Variants in TOP1MT observed in about 807,000 individuals in gnomAD.
TOP1MT encodes the protein DNA topoisomerase I, mitochondrial.
A neutral mutation model predicts 73.9 loss-of-function variants in TOP1MT; 80 were observed. That is an observed-to-expected ratio of 1.08 (90% confidence interval 0.90 to 1.30). The LOEUF (loss-of-function observed/expected upper bound fraction) is 1.30, where lower values mean the gene tolerates loss of function less well. Among genes scored for constraint, TOP1MT ranks in the 50% most tolerant of loss-of-function variants. The pLI is 0.00. For missense variants in TOP1MT, 815 were observed against 808.0 expected, an observed-to-expected ratio of 1.01 and a Z score of -0.10; for synonymous variants, 338 against 326.4, an observed-to-expected ratio of 1.04 and a Z score of -0.38.
intron 12 of TOP1MT, among the ~76,000 whole-genome samples, chr8:143,312,729 A>G (rs1816045841): frequency 6.6e-6 from 1 of 152,238 alleles, no homozygotes; most frequent in Non-Finnish European, 1.5e-5. Context: ...ATATGAAATA[A>G]AAGGCATATG....
At chr8:143,317,474 C>T (rs993501393) in intron 10 of TOP1MT, among the ~76,000 whole-genome samples, 3 of 152,224 alleles carry the variant, frequency 2.0e-5, no homozygotes, top group Non-Finnish European at 4.4e-5. Flanking sequence ...GAGTAGGGCT[C>T]AGCAGTAGGG....
Position 143,331,370 on chromosome 8 carries a change from C to T in TOP1MT, c.123-31G>A, listed in dbSNP as rs778888331. Reference sequence around the variant, plus strand: ...GACGGAGACAGGACGTGTCACTCTCCTGGGCCAGGCCCTGCATGAGCCTCT... The same window carrying T: ...GACGGAGACAGGACGTGTCACTCTCTTGGGCCAGGCCCTGCATGAGCCTCT... On this transcript the variant is annotated intron_variant, in intron 1 of 13. Coordinates refer to ENST00000329245, the MANE Select transcript of TOP1MT (RefSeq NM_052963.3). The T allele has an allele frequency of 8.9e-6, 14 of 1,580,360 alleles. No homozygotes were observed. The Admixed American group carries it at 2.2e-4, about 25-fold the overall frequency.
chr8:143,326,401 GCT>G, intron 3 of TOP1MT, 57 bp from the exon 4 acceptor site: 1 of 1,603,462 alleles, frequency 6.2e-7, no homozygotes. Flanking sequence ...CATGCAGAGC[GCT>G]CTCGCCATGT....
upstream of TOP1MT, chr8:143,334,926 C>A (rs1816956097): frequency 1.5e-6 from 2 of 1,290,656 alleles, no homozygotes; most frequent in Non-Finnish European, 1.9e-6. Flanking sequence ...CGCCCCGCCC[C>A]CAGCGGCCAG....
In TOP1MT at chr8:143,342,424, C is replaced by T. The variant is rs185902710; in HGVS notation, c.29+796G>A. Among the ~76,000 whole-genome samples the T allele has an allele frequency of 1.2e-3, 155 of 131,346 alleles. 1 individual carries two copies. In the East Asian group the frequency reaches 0.022, roughly 19 times the overall value. The allele number at this position is 131,346 out of a possible 152,430, so 86.2% of individuals were successfully genotyped here. On this transcript the variant is annotated intron_variant, in intron 2 of 5. Transcript: ENST00000518007. The stretch of plus-strand genomic sequence containing the variant: ...ATTATTATTATTAGAGACAGAGTCT[C>T]GCTCTGTTATTATTATTATTATTAG...
At chr8:143,358,744 GGC>G (rs1257478825), upstream of TOP1MT, 4 of 152,172 alleles carry the variant, frequency 2.6e-5, no homozygotes, top group Non-Finnish European at 5.9e-5. Context: ...CCTGGACCCA[GGC>G]AGCAGGGACA....
At chr8:143,320,542 C>A (rs1173503930) in intron 8 of TOP1MT, among the ~76,000 whole-genome samples, 1 of 152,252 alleles carries the variant, frequency 6.6e-6, no homozygotes, top group Non-Finnish European at 1.5e-5. Flanking sequence ...ACTGAGATTA[C>A]AGGAGTGCAC....
At chr8:143,324,408 C>A in intron 6 of TOP1MT, 77 bp downstream of exon 6, 1 of 1,598,624 alleles carries the variant, frequency 6.3e-7, no homozygotes, top group Non-Finnish European at 8.5e-7. Context: ...TGCCGGTGCC[C>A]GGCTTACACA....
At chr8:143,343,362 G>C in intron 1 of TOP1MT, 1 of 440,956 alleles carries the variant, frequency 2.3e-6, no homozygotes, top group South Asian at 1.6e-5. Context: ...CAGAGAGTCA[G>C]AACAACCTCA....
upstream of TOP1MT, among the ~76,000 whole-genome samples, chr8:143,336,028 G>A (rs539606789): frequency 6.6e-6 from 1 of 152,362 alleles, no homozygotes; most frequent in South Asian, 2.1e-4. Flanking sequence ...CCCAGGGGCT[G>A]CGGAACAGTG....
chr8:143,355,524 T>A (rs1817393388), intron 1 of TOP1MT: 1 of 152,390 alleles, frequency 6.6e-6, no homozygotes, highest in African/African-American at 2.4e-5. Context: ...GAGTGAGGAC[T>A]GCAGGCCTAA....
upstream of TOP1MT, among the ~76,000 whole-genome samples, chr8:143,345,826 T>C (rs143813455): frequency 7.2e-5 from 11 of 152,344 alleles, no homozygotes; most frequent in South Asian, 1.2e-3. Context: ...TACTATTGCA[T>C]TGCTTTTCAA....
At chr8:143,347,675 C>T (rs1250561683), upstream of TOP1MT, among the ~76,000 whole-genome samples, 1 of 142,758 alleles carries the variant, frequency 7.0e-6, no homozygotes, top group Non-Finnish European at 1.5e-5. Context: ...AACATTGAAA[C>T]CACAGCAGGC....
At chr8:143,336,014 T>A (rs193023610), upstream of TOP1MT, among the ~76,000 whole-genome samples, 1 of 152,264 alleles carries the variant, frequency 6.6e-6, no homozygotes, top group African/African-American at 2.4e-5. Flanking sequence ...GTGGGCCACC[T>A]CCTCCCAGGG....
At chr8:143,314,311 A>G in intron 12 of TOP1MT, among the ~76,000 whole-genome samples, 1 of 152,178 alleles carries the variant, frequency 6.6e-6, no homozygotes, top group East Asian at 1.9e-4. Flanking sequence ...AAAAATCACA[A>G]AGTTGGCCAG....
intron 1 of TOP1MT, chr8:143,332,692 T>G (rs773996445): frequency 1.7e-5 from 11 of 637,630 alleles, no homozygotes; most frequent in Non-Finnish European, 2.5e-5. Flanking sequence ...TTAGAAGACG[T>G]AGAGACGGAG....
upstream of TOP1MT, among the ~76,000 whole-genome samples, chr8:143,338,397 G>A (rs1002888639): frequency 3.9e-5 from 6 of 152,026 alleles, no homozygotes; most frequent in South Asian, 2.1e-4. Context: ...GAGAAACCCC[G>A]TCTCTACTAA....
rs1815938553 is a variant in TOP1MT, at chr8:143,309,354, C to T, written c.*87G>A. The T allele has an allele frequency of 1.4e-6, 2 of 1,423,734 alleles. No individual in the cohort carries two copies. The highest frequency in any genetic ancestry group is 1.8e-4 in the Middle Eastern group (1 of 5,666). The allele number at this position is 1,423,734 out of a possible 1,614,324, so 88.2% of individuals were successfully genotyped here. On this transcript the variant is annotated 3_prime_UTR_variant, in exon 14 of 14. Coordinates refer to ENST00000329245, the MANE Select transcript of TOP1MT (RefSeq NM_052963.3). ...CTAGTGATGTACAAGCACTTGCACA[C>T]ATTTTATTGTACAAAATTCCCCAGT...
Position 143,322,824 on chromosome 8 carries a change from C to CGTCACACACACAT in TOP1MT, c.960+1174_960+1175insATGTGTGTGTGAC, listed in dbSNP as rs1563760217. On this transcript the variant is annotated intron_variant, in intron 7 of 13. Transcript: ENST00000329245. ...CACACATGCATGCCACACACAGGCA[C>CGTCACACACACAT]GCCACACACGCACACCACACACGCA... Among the ~76,000 whole-genome samples, 5 of 82,308 alleles carry CGTCACACACACAT rather than the reference C, an allele frequency of 6.1e-5. 1 individual carries two copies. The highest frequency in any genetic ancestry group is 7.3e-5 in the Non-Finnish European group (3 of 40,930). 54.0% of individuals were successfully genotyped at this position (82,308 alleles called of 152,430 possible). A position where few individuals can be genotyped will look rare whatever the true frequency, so the allele number is the denominator to read the frequency against.
Sources: gnomAD v4.1 joint callset for allele counts (sites outside exome capture counted in the v4.1 genomes callset) on GRCh38, gnomAD v4.1.1 for gene constraint, MANE v1.5 for transcripts, NCBI Gene and HGNC (gene_info 2026-07-23, HGNC 2026-07-21) for gene names.